The following DIP2C variants were observed in gnomAD, a reference collection of about 807,000 sequenced individuals.
DIP2C encodes DIP2 acetate--CoA ligase C (putative).
Under a neutral mutation model 192.4 loss-of-function variants are expected in DIP2C, and 33 were observed. The ratio of observed to expected loss-of-function variants is 0.17; its 90% CI spans 0.13 to 0.23. The LOEUF (loss-of-function observed/expected upper bound fraction) is 0.23, where lower values mean the gene tolerates loss of function less well. Ranked by LOEUF, DIP2C falls within the 10% of genes least tolerant of loss-of-function variation. DIP2C has a pLI of 1.00. For synonymous variants in DIP2C, 979 were observed against 864.1 expected (o/e 1.13, Z -2.33); for missense variants, 1,537 against 2,110.1 (o/e 0.73, Z 5.32).
chr10:406,396 T>C (rs1964809546), intron 9 of DIP2C, among the ~76,000 whole-genome samples: 1 of 152,218 alleles, frequency 6.6e-6, no homozygotes, highest in South Asian at 2.1e-4. Flanking sequence ...TTTGCATTCC[T>C]CTCCCCCAGT....
intron 1 of DIP2C, among the ~76,000 whole-genome samples, chr10:611,801 G>A (rs566758875): frequency 4.6e-5 from 7 of 152,224 alleles, no homozygotes; most frequent in South Asian, 2.1e-4. Context: ...AGCTGAATTC[G>A]TACTAACATG....
intron 1 of DIP2C, among the ~76,000 whole-genome samples, chr10:563,396 A>ACCC (rs1588468771): frequency 6.6e-6 from 1 of 151,998 alleles, no homozygotes; most frequent in Admixed American, 6.6e-5. Flanking sequence ...GTTGTATTCC[A>ACCC]CCCCCTTCCT....
chr10:432,473 G>T (rs545765180), intron 4 of DIP2C, among the ~76,000 whole-genome samples: 22 of 152,160 alleles, frequency 1.4e-4, no homozygotes, highest in African/African-American at 4.8e-4. Context: ...TGGCCATAGA[G>T]TTTTTCATAA....
intron 1 of DIP2C, among the ~76,000 whole-genome samples, chr10:519,543 C>T (rs748126699): frequency 1.3e-5 from 2 of 152,190 alleles, no homozygotes; most frequent in African/African-American, 2.4e-5. Flanking sequence ...TCAGGACGTG[C>T]ACAGGCCTGG....
rs1463996683 is a variant in DIP2C, at chr10:689,033, C to A, written c.85+461G>T. On this transcript the variant is annotated intron_variant, in intron 1 of 36. Transcript: ENST00000280886. The surrounding 1 kb of genome is among the most constrained non-coding windows in gnomAD (Gnocchi z 6.1). ...CCGCCAGCGAGGAGGTGGCGCGCAC[C>A]GCGCTGCTGCACCAAGGACGCCGCG... Among the ~76,000 whole-genome samples the A allele has an allele frequency of 6.6e-6, 1 of 152,138 alleles. No individual in the cohort carries two copies. Among genetic ancestry groups the A allele is most frequent in the Non-Finnish European group, 1.5e-5 (1 of 68,010 alleles).
chr10:627,598 T>G (rs1227638209), intron 1 of DIP2C, among the ~76,000 whole-genome samples: 3 of 152,178 alleles, frequency 2.0e-5, no homozygotes, highest in African/African-American at 4.8e-5. Flanking sequence ...AGTCACCCAC[T>G]CCTTCACCTT....
intron 1 of DIP2C, among the ~76,000 whole-genome samples, chr10:592,460 C>G (rs752441346): frequency 4.6e-5 from 7 of 152,128 alleles, no homozygotes; most frequent in Non-Finnish European, 7.4e-5. Context: ...TTGTTCCCAC[C>G]ATGGAATATT....
chr10:384,159 A>T lies in DIP2C; in HGVS notation c.1757-13T>A, dbSNP rs776842252. On this transcript the variant is annotated splice_polypyrimidine_tract_variant and intron_variant, in intron 15 of 36. Coordinates refer to ENST00000280886, the MANE Select transcript of DIP2C (RefSeq NM_014974.3). The stretch of plus-strand genomic sequence containing the variant: ...CACGCCACTTTTGCTAAAAAGAAAA[A>T]TAGAAATAAGTTAACATGTGCCACC... 4 of 1,610,502 alleles carry T rather than the reference A, an allele frequency of 2.5e-6. No homozygotes were observed. The East Asian group carries it at 8.9e-5, about 36-fold the overall frequency.
chr10:337,869 G>T (rs1417424676), intron 29 of DIP2C, among the ~76,000 whole-genome samples: 1 of 131,758 alleles, frequency 7.6e-6, no homozygotes, highest in Non-Finnish European at 1.6e-5. Context: ...GTGTGCACGT[G>T]TGTTGTAGAG....
At chr10:611,558 C>CCCA (rs1369870507) in intron 1 of DIP2C, among the ~76,000 whole-genome samples, 2 of 152,142 alleles carry the variant, frequency 1.3e-5, no homozygotes, top group African/African-American at 4.8e-5. Flanking sequence ...TCAGAGAAAC[C>CCCA]CCACCTCTGA....
At chr10:577,603 A>T (rs1425019895) in intron 1 of DIP2C, among the ~76,000 whole-genome samples, 2 of 152,214 alleles carry the variant, frequency 1.3e-5, no homozygotes, top group African/African-American at 2.4e-5. Context: ...GAAGGGCCCC[A>T]GCCCTGCCAT....
chr10:337,772 T>C (rs1564576894), intron 29 of DIP2C, among the ~76,000 whole-genome samples: 2 of 110,216 alleles, frequency 1.8e-5, no homozygotes, highest in Non-Finnish European at 3.7e-5. Context: ...GTGTGTTCTG[T>C]GAAGGCCTAG....
chr10:488,612 TCCTGACTCCATAA>T (rs1844191448), intron 1 of DIP2C, among the ~76,000 whole-genome samples: 1 of 152,134 alleles, frequency 6.6e-6, no homozygotes, highest in Non-Finnish European at 1.5e-5. Flanking sequence ...CCGTACATCC[TCCTGACTCCATAA>T]CCTGCCTGGG....
chr10:623,218 G>A (rs1404289836), intron 1 of DIP2C, among the ~76,000 whole-genome samples: 11 of 151,874 alleles, frequency 7.2e-5, no homozygotes, highest in Non-Finnish European at 1.2e-4. Context: ...TGTGCCGAGG[G>A]GATGCTGCAG....
At chr10:433,870 A>G (rs987046860) in intron 4 of DIP2C, among the ~76,000 whole-genome samples, 7 of 152,078 alleles carry the variant, frequency 4.6e-5, no homozygotes, top group Non-Finnish European at 8.8e-5. Flanking sequence ...CATATTTGTT[A>G]CTATTTTCTA....
chr10:460,357 C>CTCAT (rs1366273584), intron 3 of DIP2C, among the ~76,000 whole-genome samples: 7 of 152,196 alleles, frequency 4.6e-5, no homozygotes, highest in African/African-American at 1.7e-4. Context: ...TAAATGCCAG[C>CTCAT]TCATTCACTT....
In DIP2C at chr10:559,030, A is replaced by G. The variant is rs76976150; in HGVS notation, c.86-72500T>C. Among the ~76,000 whole-genome samples, 20 of 150,826 alleles carry G rather than the reference A, an allele frequency of 1.3e-4. No homozygotes were observed. In the East Asian group the frequency reaches 3.9e-3, roughly 30 times the overall value. On this transcript the variant is annotated intron_variant, in intron 1 of 36. Transcript: ENST00000280886. ...CAAGGAGTGGTTTCCAAGGAATCTC[A>G]GAGGTTTTCAAGGTCTTGCAAGTTT...
rs377384983 is a variant in DIP2C at position 422,909 on chromosome 10, C to T, written c.519G>A (p.Thr173=). 76 of 1,613,944 alleles carry T rather than the reference C, an allele frequency of 4.7e-5. No individual in the cohort carries two copies. In the South Asian group the frequency reaches 6.9e-4, roughly 15 times the overall value. Residue 173 remains threonine (T), a synonymous_variant, in exon 5 of 37, where the codon ACG becomes ACA. Transcript: ENST00000280886. ...GCGTAGAGGACGAGGAGGTGGTGGA[C>T]GTGGTGGAGCCGTGGATGGCCTGGC... ...WISQAIHGST[T]STTSSSSTQS...
At chr10:380,418 G>T (rs1765692522) in intron 17 of DIP2C, among the ~76,000 whole-genome samples, 1 of 150,284 alleles carries the variant, frequency 6.7e-6, no homozygotes, top group African/African-American at 2.4e-5. Context: ...GCTGTCCCTG[G>T]ATGATGTTTA....
Sources: gnomAD v4.1 joint callset for allele counts (sites outside exome capture counted in the v4.1 genomes callset) on GRCh38, gnomAD v4.1.1 for gene constraint, Gnocchi (gnomAD v3.1) non-coding constraint, MANE v1.5 for transcripts, NCBI Gene and HGNC (gene_info 2026-07-23, HGNC 2026-07-21) for gene names.